GPALPP1: variants seen among roughly 807,000 people sequenced by gnomAD.
GPALPP1 encodes the protein GPALPP motifs containing 1.
Under a neutral mutation model 38.9 loss-of-function variants are expected in GPALPP1, and 30 were observed. That is an observed-to-expected ratio of 0.77 (90% CI 0.58 to 1.05). GPALPP1 has a LOEUF of 1.05. GPALPP1 is among the 50% of genes least tolerant of loss of function. The probability of loss-of-function intolerance (pLI) is 0.00; values close to 1 mark genes in which losing one functional copy is unlikely to be tolerated. For synonymous variants in GPALPP1, 120 were observed against 139.2 expected (o/e 0.86, Z 0.97); for missense variants, 384 against 408.8 (o/e 0.94, Z 0.52).
intron 1 of GPALPP1, among the ~76,000 whole-genome samples, chr13:45,000,657 C>A (rs759994911): frequency 6.6e-6 from 1 of 152,132 alleles, no homozygotes; most frequent in Non-Finnish European, 1.5e-5. Context: ...AAAAACATAT[C>A]TTCCCTCTTT....
intron 1 of GPALPP1, 59 bp downstream of exon 1, chr13:44,989,801 C>T (rs1872645220): frequency 1.5e-6 from 2 of 1,344,072 alleles, no homozygotes; most frequent in Admixed American, 3.6e-5. Context: ...TGGCCGGGCC[C>T]TGCTCGCTGA....
rs755640220 is a variant in GPALPP1, at chr13:45,027,819, A to G, written c.839A>G (p.His280Arg). ...SKRSESLMDIHHKKLKSKAAE... is the reference protein window; with the variant it reads ...SKRSESLMDIRHKKLKSKAAE... ...AGATCAGAATCTCTTATGGACATAC[A>G]TCATAAAAAGTTAAAGAGTAAGGCT... Residue 280 changes from histidine to arginine, a missense_variant, in exon 8 of 8, where the codon CAT (histidine) becomes CGT (arginine). Transcript: ENST00000379151. 6.3e-7 allele frequency: 1 copy of G among 1,588,058 alleles called. No individual in the cohort carries two copies. Among genetic ancestry groups the G allele is most frequent in the South Asian group, 1.1e-5 (1 of 90,398 alleles).
chr13:45,019,879 A>ATT (rs34893767), intron 6 of GPALPP1, among the ~76,000 whole-genome samples: 11,660 of 85,558 alleles, frequency 0.14, 1,747 homozygotes, highest in African/African-American at 0.24. Flanking sequence ...TAATATTTTG[A>ATT]TTTTTTTTTT....
chr13:45,030,672 C>T (rs1339285163), downstream of GPALPP1: 1 of 152,110 alleles, frequency 6.6e-6, no homozygotes, highest in Non-Finnish European at 1.5e-5. Flanking sequence ...GCATCAGCCA[C>T]CATGCCTGGC....
In GPALPP1 at chr13:45,013,743, G is replaced by A. The variant is rs552891485; in HGVS notation, c.409-1209G>A. Reference sequence around the variant, plus strand: ...AGACAGGAAAATCAGGGCTTAGAAAGGTTAAATAACATGCCTGAAGTCACA... The same window carrying A: ...AGACAGGAAAATCAGGGCTTAGAAAAGTTAAATAACATGCCTGAAGTCACA... On this transcript the variant is annotated intron_variant, in intron 4 of 7. Coordinates refer to ENST00000379151, the MANE Select transcript of GPALPP1 (RefSeq NM_018559.5). Among the ~76,000 whole-genome samples, 9 of 152,224 alleles carry A rather than the reference G, an allele frequency of 5.9e-5. No individual in the cohort carries two copies. In the East Asian group the frequency reaches 1.7e-3, roughly 29 times the overall value.
intron 7 of GPALPP1, among the ~76,000 whole-genome samples, chr13:45,022,365 T>C (rs926713015): frequency 6.6e-6 from 1 of 152,132 alleles, no homozygotes; most frequent in Admixed American, 6.6e-5. Flanking sequence ...GAGTTTGAAC[T>C]ATAAAACTCA....
At position 45,028,917 on chromosome 13, in the gene GPALPP1, G is replaced by A. The variant is rs1393969944; in HGVS notation, c.*914G>A. ...ATATATATATATAAAAATTAGCCAG[G>A]TGTGGTGGCACGTGCCTGTAATCTC... On this transcript the variant is annotated 3_prime_UTR_variant, in exon 8 of 8. Transcript: ENST00000379151. 1 of 151,958 alleles carries A rather than the reference G, an allele frequency of 6.6e-6. No homozygotes were observed. Among genetic ancestry groups the A allele is most frequent in the Non-Finnish European group, 1.5e-5 (1 of 68,038 alleles). The allele number at this position is 151,958 out of a possible 1,614,324, so 9.4% of individuals were successfully genotyped here. A position where few individuals can be genotyped will look rare whatever the true frequency, so the allele number is the denominator to read the frequency against.
intron 6 of GPALPP1, among the ~76,000 whole-genome samples, chr13:45,016,168 A>T (rs1593399177): frequency 6.6e-6 from 1 of 152,174 alleles, no homozygotes; most frequent in African/African-American, 2.4e-5. Flanking sequence ...TCCAAAAAAT[A>T]CCAGCCGGCC....
intron 1 of GPALPP1, among the ~76,000 whole-genome samples, chr13:45,003,869 G>T (rs1873867894): frequency 6.7e-6 from 1 of 148,254 alleles, no homozygotes. Context: ...TGCCAGGAAA[G>T]ATTTTTTTTT....
intron 1 of GPALPP1, among the ~76,000 whole-genome samples, 177 bp from the exon 2 acceptor site, chr13:45,004,128 C>G (rs1015260321): frequency 6.6e-6 from 1 of 152,050 alleles, no homozygotes; most frequent in Non-Finnish European, 1.5e-5. Context: ...TTTCTGCCTT[C>G]CTAGAGCTGG....
chr13:44,995,729 C>T (rs991478430), intron 1 of GPALPP1, among the ~76,000 whole-genome samples: 5 of 152,154 alleles, frequency 3.3e-5, no homozygotes, highest in African/African-American at 1.2e-4. Context: ...TAAACTTGAA[C>T]ATGCACATGG....
intron 5 of GPALPP1, 80 bp downstream of exon 5, chr13:45,015,163 A>C (rs1874756767): frequency 2.2e-6 from 2 of 913,998 alleles, no homozygotes; most frequent in Non-Finnish European, 3.1e-6. Flanking sequence ...AAACTATATA[A>C]CTTTTAATAT....
chr13:44,990,083 AGCCC>A (rs1872680392), intron 1 of GPALPP1: 2 of 497,882 alleles, frequency 4.0e-6, no homozygotes, highest in African/African-American at 4.0e-5. Flanking sequence ...GGTACGCCCA[AGCCC>A]ATGCCAGTGT....
At position 45,015,443 on chromosome 13, in the gene GPALPP1, A is replaced by C. The variant is rs1874787966; in HGVS notation, c.552A>C (p.Lys184Asn). 6.3e-7 allele frequency: 1 copy of C among 1,587,146 alleles called. No individual in the cohort carries two copies. Among genetic ancestry groups the C allele is most frequent in the African/African-American group, 1.4e-5 (1 of 73,114 alleles). The stretch of plus-strand genomic sequence containing the variant: ...TTTTTCTCTTAAAGGATTCATCTAA[A>C]CCCATTGTAAGAGAGTCATGGATGA... ...KLTKGDDDSSKPIVRESWMTE... is the reference protein window; with the variant it reads ...KLTKGDDDSSNPIVRESWMTE... The change falls in exon 6 of 8, where the codon AAA becomes AAC. Residue 184 changes from lysine to asparagine, a missense_variant. Transcript: ENST00000379151.
downstream of GPALPP1, among the ~76,000 whole-genome samples, chr13:45,032,361 C>G (rs1876239294): frequency 6.6e-6 from 1 of 151,706 alleles, no homozygotes; most frequent in African/African-American, 2.4e-5. Flanking sequence ...GATGTAGCAA[C>G]CACTTGACAT....
chr13:45,015,937 AC>A (rs1279255346), intron 6 of GPALPP1, among the ~76,000 whole-genome samples: 1 of 152,052 alleles, frequency 6.6e-6, no homozygotes, highest in African/African-American at 2.4e-5. Flanking sequence ...TTCATTTTAG[AC>A]CTTTCTAGCT....
Position 45,029,353 on chromosome 13 carries a change from T to C in GPALPP1, c.*1350T>C, listed in dbSNP as rs1876069501. On this transcript the variant is annotated 3_prime_UTR_variant, in exon 8 of 8. Coordinates refer to ENST00000379151, the MANE Select transcript of GPALPP1 (RefSeq NM_018559.5). ...ACTTTAATCTTAAAAAACATACAAA[T>C]TTACCTTGTTCTGTATGTCCTTTTA... 2 of 152,210 alleles carry C rather than the reference T, an allele frequency of 1.3e-5. No individual in the cohort carries two copies. The highest frequency in any genetic ancestry group is 6.5e-5 in the Admixed American group (1 of 15,282). The allele number at this position is 152,210 out of a possible 1,614,324, so 9.4% of individuals were successfully genotyped here.
At chr13:45,026,205 ATACT>A (rs1246064302) in intron 7 of GPALPP1, among the ~76,000 whole-genome samples, 14 of 152,212 alleles carry the variant, frequency 9.2e-5, no homozygotes, top group African/African-American at 3.4e-4. Context: ...TATTTATAAA[ATACT>A]TAAGAAGTAC....
chr13:45,013,659 C>T (rs767167746), intron 4 of GPALPP1, among the ~76,000 whole-genome samples: 5 of 152,120 alleles, frequency 3.3e-5, no homozygotes, highest in African/African-American at 4.8e-5. Context: ...AAAGAAAATG[C>T]AGGCTTCTCT....
Sources: gnomAD v4.1 joint callset for allele counts (sites outside exome capture counted in the v4.1 genomes callset) on GRCh38, gnomAD v4.1.1 for gene constraint, MANE v1.5 for transcripts, NCBI Gene and HGNC (gene_info 2026-07-23, HGNC 2026-07-21) for gene names.